Variants in TMEM232 observed in about 807,000 individuals in gnomAD.
TMEM232 encodes the protein transmembrane protein 232.
A neutral mutation model predicts 78.8 loss-of-function variants in TMEM232; 80 were observed. That is an observed-to-expected ratio of 1.01 (90% CI 0.85 to 1.22). The LOEUF (loss-of-function observed/expected upper bound fraction) is 1.22. Among genes scored for constraint, TMEM232 ranks in the 50% most tolerant of loss-of-function variants. The pLI, the probability that TMEM232 is intolerant of heterozygous loss-of-function variation, is 0.00. For synonymous variants in TMEM232, 297 were observed against 254.3 expected (o/e 1.17, Z -1.60); for missense variants, 881 against 742.2 (o/e 1.19, Z -2.17).
chr5:110,646,085 A>G (rs956326297), intron 2 of TMEM232, among the ~76,000 whole-genome samples: 3 of 151,680 alleles, frequency 2.0e-5, no homozygotes, highest in Non-Finnish European at 3.0e-5. Flanking sequence ...AAAGACCTGT[A>G]AAAAACAAAG....
chr5:110,683,213 C>G (rs1454861062), intron 1 of TMEM232, among the ~76,000 whole-genome samples: 1 of 151,944 alleles, frequency 6.6e-6, no homozygotes, highest in Admixed American at 6.6e-5. Context: ...ATTAGTACAT[C>G]AAAATGTGTG....
chr5:110,680,046 G>C (rs185151835), intron 1 of TMEM232, among the ~76,000 whole-genome samples: 19 of 152,100 alleles, frequency 1.2e-4, no homozygotes, highest in African/African-American at 4.3e-4. Flanking sequence ...TTAGTCTCTG[G>C]AGTTGTCCAG....
chr5:110,552,564 C>T (rs1774600027), intron 11 of TMEM232, among the ~76,000 whole-genome samples: 1 of 151,786 alleles, frequency 6.6e-6, no homozygotes, highest in Non-Finnish European at 1.5e-5. Context: ...AATGTTAATC[C>T]ACAGGCAGCT....
chr5:110,544,939 A>C (rs1220554204), intron 11 of TMEM232, among the ~76,000 whole-genome samples: 2 of 152,140 alleles, frequency 1.3e-5, no homozygotes, highest in African/African-American at 4.8e-5. Flanking sequence ...GTAGCAAAAG[A>C]AGGGACTAAA....
intron 8 of TMEM232, among the ~76,000 whole-genome samples, chr5:110,608,055 T>C (rs1781728628): frequency 6.6e-6 from 1 of 151,942 alleles, no homozygotes; most frequent in African/African-American, 2.4e-5. Flanking sequence ...GACAAAATCC[T>C]AATTGATGCA....
intron 12 of TMEM232, among the ~76,000 whole-genome samples, chr5:110,436,728 C>G (rs748631864): frequency 6.6e-6 from 1 of 151,876 alleles, no homozygotes; most frequent in Non-Finnish European, 1.5e-5. Flanking sequence ...TTTCCCCCAA[C>G]GTATTCCTGG....
chr5:110,435,608 T>C (rs1758343711), intron 12 of TMEM232, among the ~76,000 whole-genome samples: 1 of 151,816 alleles, frequency 6.6e-6, no homozygotes, highest in Admixed American at 6.6e-5. Context: ...CGACTTCCCC[T>C]CTACCCTTCA....
intron 10 of TMEM232, among the ~76,000 whole-genome samples, chr5:110,593,247 A>G (rs1779746088): frequency 6.6e-6 from 1 of 152,204 alleles, no homozygotes; most frequent in South Asian, 2.1e-4. Context: ...TGAGCTAGGA[A>G]GATTTTGGAT....
intron 1 of TMEM232, among the ~76,000 whole-genome samples, chr5:110,715,694 AG>A (rs1796939111): frequency 6.6e-6 from 1 of 152,124 alleles, no homozygotes; most frequent in African/African-American, 2.4e-5. Context: ...GGCACTCCAG[AG>A]TTAACCTAAA....
At chr5:110,652,443 T>A (rs1047160292) in intron 2 of TMEM232, among the ~76,000 whole-genome samples, 1 of 152,224 alleles carries the variant, frequency 6.6e-6, no homozygotes, top group African/African-American at 2.4e-5. Flanking sequence ...GATAACAGGC[T>A]TAGGATGAAA....
Position 110,391,908 on chromosome 5 carries a change from T to A in TMEM232, n.391-1268A>T, listed in dbSNP as rs1187749106. ...AATAGCGAGGTGCTTAGTGAATAGATAAGAAACATGCAGAGTCTGCAGGCT... is the reference window on the plus strand; with the variant it reads ...AATAGCGAGGTGCTTAGTGAATAGAAAAGAAACATGCAGAGTCTGCAGGCT... On this transcript the variant is annotated intron_variant and non_coding_transcript_variant, in intron 3 of 8. Coordinates refer to the TMEM232 transcript ENST00000507188. Among the ~76,000 whole-genome samples the A allele has an allele frequency of 3.3e-5, 5 of 152,164 alleles. No homozygotes were observed. The East Asian group carries it at 9.6e-4, about 29-fold the overall frequency.
chr5:110,640,921 G>T lies in TMEM232; in HGVS notation c.313C>A (p.Leu105Met), dbSNP rs1786596286. ...LPAAWTEVIY[L>M]AQCKGEIQDE... The stretch of plus-strand genomic sequence containing the variant: ...TGGATTTCCCCTTTGCATTGAGCCA[G>T]ATATATTACTTCAGTCCATGCAGCA... Residue 105 changes from leucine to methionine, a missense_variant, in exon 4 of 14, where the codon CTG becomes ATG. Physicochemically the swap from Leu to Met is conservative, Grantham distance 15 (BLOSUM62 2). Transcript: ENST00000455884. The T allele has an allele frequency of 3.2e-5, 50 of 1,539,890 alleles. No homozygotes were observed. The highest frequency in any genetic ancestry group is 4.4e-5 in the Non-Finnish European group (50 of 1,140,870).
At chr5:110,536,387 G>A (rs1398322852) in intron 11 of TMEM232, among the ~76,000 whole-genome samples, 2 of 152,240 alleles carry the variant, frequency 1.3e-5, no homozygotes, top group African/African-American at 4.8e-5. Flanking sequence ...TGAAGGCCAA[G>A]GAGTGAATGA....
At chr5:110,695,856 C>T (rs1039717887) in intron 1 of TMEM232, among the ~76,000 whole-genome samples, 3 of 152,104 alleles carry the variant, frequency 2.0e-5, no homozygotes, top group Non-Finnish European at 4.4e-5. Context: ...GATTCACAGC[C>T]AAATTCTACC....
intron 11 of TMEM232, among the ~76,000 whole-genome samples, chr5:110,529,180 G>A (rs1404574156): frequency 6.6e-6 from 1 of 151,992 alleles, no homozygotes; most frequent in African/African-American, 2.4e-5. Context: ...TTGAAGTAAT[G>A]TACATTTTAT....
intron 1 of TMEM232, among the ~76,000 whole-genome samples, chr5:110,737,411 T>C (rs1247587785): frequency 6.6e-6 from 1 of 152,198 alleles, no homozygotes; most frequent in African/African-American, 2.4e-5. Context: ...TTCTAAGATT[T>C]TGGAGTCAAA....
At chr5:110,675,387 T>A (rs934605722) in intron 1 of TMEM232, among the ~76,000 whole-genome samples, 2 of 152,130 alleles carry the variant, frequency 1.3e-5, no homozygotes, top group Non-Finnish European at 2.9e-5. Context: ...ACTGCTGCAA[T>A]GGTAGGTAAT....
At chr5:110,419,355 G>T (rs311697), downstream of TMEM232, among the ~76,000 whole-genome samples, 46,911 of 151,904 alleles carry the variant, frequency 0.31, 12,869 homozygotes, top group African/African-American at 0.73. Context: ...GCAACCTACA[G>T]GCAACATTTT....
At chr5:110,725,246 T>C (rs73230103) in intron 1 of TMEM232, among the ~76,000 whole-genome samples, 4,438 of 152,316 alleles carry the variant, frequency 0.029, 225 homozygotes, top group African/African-American at 0.1. Flanking sequence ...GGTTTGCATA[T>C]ACTAAGATTT....
Sources: gnomAD v4.1 joint callset for allele counts (sites outside exome capture counted in the v4.1 genomes callset) on GRCh38, gnomAD v4.1.1 for gene constraint, MANE v1.5 for transcripts, NCBI Gene and HGNC (gene_info 2026-07-23, HGNC 2026-07-21) for gene names.